RHOBTB2: variants seen among roughly 807,000 people sequenced by gnomAD.
RHOBTB2 encodes rho-related BTB domain-containing protein 2.
RHOBTB2 carries 39 observed loss-of-function variants against 66.5 expected under a neutral mutation model. The observed-to-expected ratio is 0.59, with a 90% CI of 0.45 to 0.77. The LOEUF (loss-of-function observed/expected upper bound fraction) is 0.77, where lower values mean the gene tolerates loss of function less well. RHOBTB2 is among the 30% of genes least tolerant of loss of function. The pLI, the probability that RHOBTB2 is intolerant of heterozygous loss-of-function variation, is 0.00. For missense variants in RHOBTB2, 755 were observed against 999.1 expected, an observed-to-expected ratio of 0.76 and a Z score of 3.29; for synonymous variants, 390 against 395.0, an observed-to-expected ratio of 0.99 and a Z score of 0.15.
the RHOBTB2 span, among the ~76,000 whole-genome samples, chr8:22,953,559 AC>A: frequency 6.6e-6 from 1 of 152,170 alleles, no homozygotes; most frequent in African/African-American, 2.4e-5. Flanking sequence ...GTAACCCATA[AC>A]ATATCTCTCA....
chr8:22,961,594 T>C, the RHOBTB2 span, among the ~76,000 whole-genome samples: 3 of 152,320 alleles, frequency 2.0e-5, no homozygotes, highest in African/African-American at 2.4e-5. Context: ...AGGTACATCA[T>C]TGATGCCAGA....
the RHOBTB2 span, among the ~76,000 whole-genome samples, chr8:22,977,158 A>T: frequency 6.6e-6 from 1 of 152,154 alleles, no homozygotes; most frequent in Admixed American, 6.6e-5. Context: ...TAATTTAGTA[A>T]TACTTCAATG....
chr8:22,963,558 C>T, the RHOBTB2 span, among the ~76,000 whole-genome samples: 1 of 151,602 alleles, frequency 6.6e-6, no homozygotes, highest in African/African-American at 2.4e-5. Context: ...TAATTACCAA[C>T]TGTTTTAGTC....
chr8:23,015,595 C>T, intron 8 of RHOBTB2, 43 bp from the exon 9 acceptor site: 1 of 1,410,862 alleles, frequency 7.1e-7, no homozygotes, highest in Non-Finnish European at 1.0e-6. Context: ...AGACCCTCTC[C>T]CCTGGGGATT....
chr8:23,004,700 T>G lies in RHOBTB2; in HGVS notation c.192+74T>G. The G allele has an allele frequency of 1.4e-6, 2 of 1,423,418 alleles. No homozygotes were observed. Among genetic ancestry groups the G allele is most frequent in the East Asian group, 4.9e-5 (2 of 40,908 alleles). 88.2% of individuals were successfully genotyped at this position (1,423,418 alleles called of 1,614,324 possible). On this transcript the variant is annotated intron_variant, in intron 2 of 9. Transcript: ENST00000251822. The surrounding 1 kb of genome is among the most constrained non-coding windows in gnomAD (Gnocchi z 6.4). ...CTTGGGGGCTTCCTGAGGCATAGCT[T>G]GGTGTCTCCAGAGCTCACGGGAGCC...
At chr8:23,009,946 G>T (rs780745845) in intron 6 of RHOBTB2, among the ~76,000 whole-genome samples, 2 of 152,226 alleles carry the variant, frequency 1.3e-5, no homozygotes, top group Non-Finnish European at 2.9e-5. Flanking sequence ...CTGCTCTCAA[G>T]AGATCCTGGA....
chr8:22,994,882 C>T (rs1810506208), upstream of RHOBTB2, among the ~76,000 whole-genome samples: 1 of 152,196 alleles, frequency 6.6e-6, no homozygotes, highest in African/African-American at 2.4e-5. Flanking sequence ...TCTCCTGCCT[C>T]AGCCTCCCGA....
chr8:22,971,510 T>C, the RHOBTB2 span, among the ~76,000 whole-genome samples: 3 of 152,070 alleles, frequency 2.0e-5, no homozygotes, highest in Admixed American at 6.6e-5. Context: ...CCAGACTCCT[T>C]GGAAGAGCAA....
Position 23,017,280 on chromosome 8 carries a change from G to A in RHOBTB2, c.1995G>A (p.Arg665=). ...ACCAGGAGTATTTCGAGAAGCATCG[G>A]TGGCCACCTGTGTGGTACCTGAAGG... is the stretch of plus-strand genomic sequence containing the variant. ...PENQEYFEKH[R]WPPVWYLKEE... The change falls in exon 10 of 10, where the codon CGG becomes CGA. Residue 665 remains arginine (R), a synonymous_variant. Coordinates refer to ENST00000251822, the MANE Select transcript of RHOBTB2 (RefSeq NM_015178.3). The surrounding 1 kb of genome is among the most constrained non-coding windows in gnomAD (Gnocchi z 5.3). 2.5e-6 allele frequency: 4 copies of A among 1,614,180 alleles called. No individual in the cohort carries two copies. The highest frequency in any genetic ancestry group is 3.4e-6 in the Non-Finnish European group (4 of 1,180,026).
chr8:22,987,083 G>T (rs1357452085), upstream of RHOBTB2, among the ~76,000 whole-genome samples: 1 of 152,236 alleles, frequency 6.6e-6, no homozygotes, highest in Non-Finnish European at 1.5e-5. Context: ...CTGGCTGTAG[G>T]CCAGGCTCTC....
upstream of RHOBTB2, chr8:22,995,973 C>T (rs532878142): frequency 1.3e-4 from 160 of 1,262,440 alleles, 1 homozygote; most frequent in Middle Eastern, 1.8e-4. Context: ...AGGCGGTCTG[C>T]GTTGGGCTGG....
intron 7 of RHOBTB2, among the ~76,000 whole-genome samples, chr8:23,011,009 C>A (rs1811130526): frequency 6.6e-6 from 1 of 152,210 alleles, no homozygotes; most frequent in African/African-American, 2.4e-5. Flanking sequence ...GCGGGAGGAT[C>A]ACTTGAGGCC....
At chr8:22,973,004 C>T in the RHOBTB2 span, among the ~76,000 whole-genome samples, 2 of 152,326 alleles carry the variant, frequency 1.3e-5, no homozygotes, top group Admixed American at 1.3e-4. Flanking sequence ...CCTCCCTTGC[C>T]GGGAACTTCT....
chr8:23,006,985 A>G lies in RHOBTB2; in HGVS notation c.740A>G (p.Asp247Gly). The change falls in exon 5 of 10, where the codon GAC becomes GGC. Residue 247 changes from aspartate to glycine, a missense_variant. Around this residue, in one of 7 missense-constraint regions of RHOBTB2, gnomAD observed 247 missense variants for 238.9 expected, o/e 1.03. Transcript: ENST00000251822. The surrounding 1 kb of genome is among the most constrained non-coding windows in gnomAD (Gnocchi z 6.1). ...CCGCCCCCGATCATCGTGGTGCCCGACCCTCCCTCCAGCAGCGAGGAGTGC... is the reference window on the plus strand; with the variant it reads ...CCGCCCCCGATCATCGTGGTGCCCGGCCCTCCCTCCAGCAGCGAGGAGTGC... ...KPPPPIIVVP[D>G]PPSSSEECPA... 6.2e-7 allele frequency: 1 copy of G among 1,609,710 alleles called. No individual in the cohort carries two copies. The highest frequency in any genetic ancestry group is 1.1e-5 in the South Asian group (1 of 90,968).
At chr8:22,965,886 A>C in the RHOBTB2 span, among the ~76,000 whole-genome samples, 5 of 152,224 alleles carry the variant, frequency 3.3e-5, no homozygotes, top group African/African-American at 1.2e-4. Context: ...TGAATATGAC[A>C]TAAAAAAGAC....
chr8:22,953,073 G>C, the RHOBTB2 span, among the ~76,000 whole-genome samples: 18 of 152,222 alleles, frequency 1.2e-4, no homozygotes, highest in African/African-American at 4.3e-4. Context: ...TTTCCCCTGG[G>C]GTGGGCTGTC....
the RHOBTB2 span, among the ~76,000 whole-genome samples, chr8:22,955,938 G>A: frequency 6.6e-6 from 1 of 152,154 alleles, no homozygotes; most frequent in Non-Finnish European, 1.5e-5. Flanking sequence ...ACCTCCTGGA[G>A]CTTCCCCCCA....
the RHOBTB2 span, among the ~76,000 whole-genome samples, chr8:22,958,377 A>G: frequency 3.9e-5 from 6 of 152,218 alleles, no homozygotes; most frequent in African/African-American, 1.4e-4. Context: ...GTTTCTTTAA[A>G]TGCTGGCAAA....
chr8:23,016,845 G>T (rs192484438), intron 9 of RHOBTB2, among the ~76,000 whole-genome samples: 1 of 152,124 alleles, frequency 6.6e-6, no homozygotes, highest in East Asian at 1.9e-4. Flanking sequence ...CTGCTGCTGT[G>T]TCCTGCTGTG....
Sources: gnomAD v4.1 joint callset for allele counts (sites outside exome capture counted in the v4.1 genomes callset) on GRCh38, gnomAD v4.1.1 for gene constraint, gnomAD v4.1.1 regional missense constraint, Gnocchi (gnomAD v3.1) non-coding constraint, MANE v1.5 for transcripts, NCBI Gene and HGNC (gene_info 2026-07-23, HGNC 2026-07-21) for gene names.